CYSLTR1: variants seen among roughly 807,000 people sequenced by gnomAD.
CYSLTR1 encodes the protein G-protein coupled receptor HG55.
A neutral mutation model predicts 2.1 loss-of-function variants in CYSLTR1; 1 was observed. The observed-to-expected ratio is 0.48, with a 90% CI of 0.17 to 2.28. CYSLTR1 has a LOEUF of 2.28. Ranked by LOEUF, CYSLTR1 falls within the 30% of genes most tolerant of loss-of-function variation. The pLI, the probability that CYSLTR1 is intolerant of heterozygous loss-of-function variation, is 0.26. For synonymous variants in CYSLTR1, 110 were observed against 89.6 expected (o/e 1.23, Z -1.28); for missense variants, 299 against 250.1 (o/e 1.20, Z -1.32).
chrX:78,271,664 G>T lies in CYSLTR1; in HGVS notation c.*1069C>A, dbSNP rs1460404018. On this transcript the variant is annotated 3_prime_UTR_variant, in exon 3 of 3. Coordinates refer to ENST00000373304, the MANE Select transcript of CYSLTR1 (RefSeq NM_006639.4). ...CTGTAAACATATCCATGATATTCCT[G>T]TCAACATACCAATAAAAAGTAATAA... 1 of 111,697 alleles carries T rather than the reference G, an allele frequency of 9.0e-6. No homozygotes were observed. Among genetic ancestry groups the T allele is most frequent in the Non-Finnish European group, 1.9e-5 (1 of 53,103 alleles). 9.2% of individuals were successfully genotyped at this position (111,697 alleles called of 1,213,427 possible). A position where few individuals can be genotyped will look rare whatever the true frequency, so the allele number is the denominator to read the frequency against.
chrX:78,277,769 T>C (rs1375768088), intron 2 of CYSLTR1, among the ~76,000 whole-genome samples: 1 of 111,686 alleles, frequency 9.0e-6, no homozygotes, highest in East Asian at 2.8e-4. Flanking sequence ...CAAAAAGCCA[T>C]ATGCAAAGAA....
At chrX:78,317,094 C>A (rs866158578) in intron 1 of CYSLTR1, among the ~76,000 whole-genome samples, 16 of 111,930 alleles carry the variant, frequency 1.4e-4, no homozygotes, top group Middle Eastern at 4.2e-3. Flanking sequence ...ATCTGACAAA[C>A]AACTAATATC....
chrX:78,272,593 A>C lies in CYSLTR1; in HGVS notation c.*140T>G, dbSNP rs1454143112. 2 of 553,747 alleles carry C rather than the reference A, an allele frequency of 3.6e-6. No individual in the cohort carries two copies. The highest frequency in any genetic ancestry group is 5.3e-6 in the Non-Finnish European group (2 of 380,747). 45.6% of individuals were successfully genotyped at this position (553,747 alleles called of 1,213,427 possible). On this transcript the variant is annotated 3_prime_UTR_variant, in exon 3 of 3. Transcript: ENST00000373304. ...TAAATATCTAATCATGTGGATGCAT[A>C]AATGAGATAGAGTTGTAGGCCCAAA...
rs757639521 is a variant in CYSLTR1, at chrX:78,273,054, A to G, written c.693T>C (p.Ala231=). The G allele has an allele frequency of 8.3e-7, 1 of 1,209,441 alleles. No individual in the cohort carries two copies. Among genetic ancestry groups the G allele is most frequent in the Non-Finnish European group, 1.1e-6 (1 of 894,821 alleles). Reference sequence around the variant, plus strand: ...CGGTCACGACCATGATCATTCCTATAGCCTTTTTATGACTTGACAGATTTT... The same window carrying G: ...CGGTCACGACCATGATCATTCCTATGGCCTTTTTATGACTTGACAGATTTT... The part of the protein sequence containing the change: ...MKKNLSSHKK[A]IGMIMVVTAA... Residue 231 remains alanine, a synonymous_variant, in exon 3 of 3, where the codon GCT becomes GCC. Transcript: ENST00000373304.
chrX:78,302,865 C>CTG (rs1367292917), intron 1 of CYSLTR1, among the ~76,000 whole-genome samples: 1 of 110,947 alleles, frequency 9.0e-6, no homozygotes, highest in Non-Finnish European at 1.9e-5. Context: ...GAGCCATGAG[C>CTG]TGTGTAGCCA....
chrX:78,275,724 G>A (rs1921561572), intron 2 of CYSLTR1, among the ~76,000 whole-genome samples: 1 of 111,454 alleles, frequency 9.0e-6, no homozygotes, highest in South Asian at 3.8e-4. Context: ...AGAACTTAAA[G>A]TATAATAATA....
chrX:78,309,174 C>A (rs777747269), intron 1 of CYSLTR1, among the ~76,000 whole-genome samples: 1 of 110,783 alleles, frequency 9.0e-6, no homozygotes, highest in African/African-American at 3.3e-5. Context: ...AGAGAGAAGG[C>A]GGGAGAGAGA....
Position 78,272,696 on chromosome X carries a change from A to C in CYSLTR1, c.*37T>G, listed in dbSNP as rs770554655. The C allele has an allele frequency of 9.4e-7, 1 of 1,065,871 alleles. No individual in the cohort carries two copies. The allele number at this position is 1,065,871 out of a possible 1,213,427, so 87.8% of individuals were successfully genotyped here. On this transcript the variant is annotated 3_prime_UTR_variant, in exon 3 of 3. Transcript: ENST00000373304. ...ATTTGACAAAATACTTATTTGGGAA[A>C]CTATTTTCATTGGTTTGGACTGGAA...
intron 1 of CYSLTR1, among the ~76,000 whole-genome samples, chrX:78,322,702 G>C (rs1187266466): frequency 8.9e-6 from 1 of 112,064 alleles, no homozygotes; most frequent in Non-Finnish European, 1.9e-5. Context: ...CCAGGGATGT[G>C]CTGCTCACAG....
intron 2 of CYSLTR1, 76 bp from the exon 3 acceptor site, chrX:78,273,849 T>C: frequency 1.0e-5 from 9 of 883,034 alleles, no homozygotes; most frequent in Non-Finnish European, 1.4e-5. Flanking sequence ...TATTTCATAG[T>C]GTCACTATGT....
intron 2 of CYSLTR1, among the ~76,000 whole-genome samples, chrX:78,274,914 C>G (rs1921507902): frequency 9.0e-6 from 1 of 111,643 alleles, no homozygotes; most frequent in South Asian, 3.7e-4. Flanking sequence ...AAAAAGTGGG[C>G]AAAGGATATG....
chrX:78,278,389 A>G (rs1389129154), intron 2 of CYSLTR1, among the ~76,000 whole-genome samples: 1 of 111,995 alleles, frequency 8.9e-6, no homozygotes, highest in African/African-American at 3.2e-5. Context: ...CAAGAGTAAA[A>G]TTCTTAGGAA....
chrX:78,316,580 G>A (rs774064426), intron 1 of CYSLTR1, among the ~76,000 whole-genome samples: 2 of 111,839 alleles, frequency 1.8e-5, no homozygotes, highest in Non-Finnish European at 3.8e-5. Context: ...CTGTGTGGGA[G>A]GTGGGTGAGG....
intron 1 of CYSLTR1, among the ~76,000 whole-genome samples, chrX:78,315,444 A>T (rs1245141298): frequency 9.0e-6 from 1 of 111,189 alleles, no homozygotes; most frequent in Non-Finnish European, 1.9e-5. Context: ...TAGACCACCA[A>T]ATGACCTCGC....
chrX:78,285,645 T>C (rs751467387), intron 1 of CYSLTR1, among the ~76,000 whole-genome samples: 1 of 112,129 alleles, frequency 8.9e-6, no homozygotes, highest in South Asian at 3.7e-4. Context: ...ATTTCCATGG[T>C]GGCTGTGCAA....
chrX:78,327,343 G>T lies in CYSLTR1; in HGVS notation c.-153C>A, dbSNP rs1212876872. 1 of 111,653 alleles carries T rather than the reference G, an allele frequency of 9.0e-6. No individual in the cohort carries two copies. Among genetic ancestry groups the T allele is most frequent in the Non-Finnish European group, 1.9e-5 (1 of 53,150 alleles). 9.2% of individuals were successfully genotyped at this position (111,653 alleles called of 1,213,427 possible). Reference sequence around the variant, plus strand: ...GGTCCACAGTTTACTGTCCTTTTGCGTTTGTTCTCAGAAGCAAGCTCCAAG... The same window carrying T: ...GGTCCACAGTTTACTGTCCTTTTGCTTTTGTTCTCAGAAGCAAGCTCCAAG... On this transcript the variant is annotated 5_prime_UTR_variant, in exon 1 of 3. Transcript: ENST00000373304.
intron 1 of CYSLTR1, among the ~76,000 whole-genome samples, chrX:78,313,372 T>A (rs184633682): frequency 9.0e-6 from 1 of 111,456 alleles, no homozygotes; most frequent in East Asian, 2.8e-4. Context: ...CTATGTTCCC[T>A]ACCTGGGTGT....
In CYSLTR1 at chrX:78,273,747, G is replaced by A; in HGVS notation, c.-1C>T. ...CTGTCAGATTTCCTGTTTCATCCAT[G>A]TTTCTCTACGAATGTCTGCTTTGTG... On this transcript the variant is annotated 5_prime_UTR_variant, in exon 3 of 3. Coordinates refer to ENST00000373304, the MANE Select transcript of CYSLTR1 (RefSeq NM_006639.4). The A allele has an allele frequency of 3.4e-6, 4 of 1,189,368 alleles. No individual in the cohort carries two copies. Among genetic ancestry groups the A allele is most frequent in the Non-Finnish European group, 4.5e-6 (4 of 882,458 alleles).
intron 1 of CYSLTR1, among the ~76,000 whole-genome samples, chrX:78,292,688 C>T (rs1342418035): frequency 9.0e-6 from 1 of 111,432 alleles, no homozygotes; most frequent in Non-Finnish European, 1.9e-5. Context: ...ATAGTTAGCG[C>T]TTCTTGTTGA....
Sources: gnomAD v4.1 joint callset for allele counts (sites outside exome capture counted in the v4.1 genomes callset) on GRCh38, gnomAD v4.1.1 for gene constraint, MANE v1.5 for transcripts, NCBI Gene and HGNC (gene_info 2026-07-23, HGNC 2026-07-21) for gene names.